Variants in MAML2 observed in about 807,000 individuals in gnomAD.
MAML2 encodes mastermind-like protein 2.
A neutral mutation model predicts 96.1 loss-of-function variants in MAML2; 22 were observed. That is an observed-to-expected ratio of 0.23 (90% confidence interval 0.16 to 0.33). The LOEUF is 0.33. MAML2 is among the 10% of genes least tolerant of loss of function. The probability of loss-of-function intolerance (pLI) is 1.00; values close to 1 mark genes in which losing one functional copy is unlikely to be tolerated. For missense variants in MAML2, 1,367 were observed against 1,392.4 expected (o/e 0.98, Z 0.29); for synonymous variants, 561 against 521.3 (o/e 1.08, Z -1.04).
At chr11:96,042,460 C>T (rs1336631810) in intron 2 of MAML2, among the ~76,000 whole-genome samples, 5 of 152,262 alleles carry the variant, frequency 3.3e-5, no homozygotes, top group African/African-American at 9.6e-5. Flanking sequence ...AGTAACCTCC[C>T]GTGGTCTTCC....
chr11:96,122,296 C>G (rs1051773883), intron 1 of MAML2, among the ~76,000 whole-genome samples: 1 of 151,748 alleles, frequency 6.6e-6, no homozygotes, highest in Non-Finnish European at 1.5e-5. Context: ...GGGTGGAAAA[C>G]CTGCAGATTT....
At chr11:95,994,326 CT>C (rs1857958380) in intron 2 of MAML2, among the ~76,000 whole-genome samples, 1 of 152,200 alleles carries the variant, frequency 6.6e-6, no homozygotes, top group African/African-American at 2.4e-5. Context: ...ATTTACACCC[CT>C]ATGACCAGTC....
chr11:96,232,738 T>G (rs1349164675), intron 1 of MAML2, among the ~76,000 whole-genome samples: 1 of 152,132 alleles, frequency 6.6e-6, no homozygotes, highest in Non-Finnish European at 1.5e-5. Context: ...CCCAAAGTGC[T>G]TAGGATTAGA....
chr11:96,192,652 T>C (rs11603621), intron 1 of MAML2, among the ~76,000 whole-genome samples: 2,089 of 152,322 alleles, frequency 0.014, 49 homozygotes, highest in African/African-American at 0.048. Context: ...AAGAAATTTG[T>C]CTATATGCTA....
intron 2 of MAML2, among the ~76,000 whole-genome samples, chr11:96,077,822 C>T (rs1859468081): frequency 6.6e-6 from 1 of 152,142 alleles, no homozygotes; most frequent in African/African-American, 2.4e-5. Context: ...TATAGAAATA[C>T]AACTGATGAC....
rs60727839 is a variant in MAML2 at position 96,092,210 on chromosome 11, TTGCTGCTGCTGC to T, written c.1809_1820del (p.Gln618_Gln621del). 0.013 allele frequency: 13,489 copies of T among 1,010,410 alleles called. 353 individuals carry two copies. Among genetic ancestry groups the T allele is most frequent in the African/African-American group, 0.12 (7,825 of 64,224 alleles). The allele number at this position is 1,010,410 out of a possible 1,614,324, so 62.6% of individuals were successfully genotyped here. A position where few individuals can be genotyped will look rare whatever the true frequency, so the allele number is the denominator to read the frequency against. On this transcript the variant is annotated inframe_deletion, in exon 2 of 5. Transcript: ENST00000524717. The surrounding 1 kb of genome is among the most constrained non-coding windows in gnomAD (Gnocchi z 4.1). ...GTTGCTGTTGCTGCTGCTGCTGCTG[TTGCTGCTGCTGC>T]TGCTGCTGCTGCTGCTGCTGCTGCT...
chr11:96,089,585 T>C (rs1471182305), intron 2 of MAML2, among the ~76,000 whole-genome samples: 4 of 152,226 alleles, frequency 2.6e-5, no homozygotes, highest in Non-Finnish European at 4.4e-5. Context: ...TATTGAACAA[T>C]AGCATCATTA....
At chr11:96,185,776 T>A (rs1861565833) in intron 1 of MAML2, among the ~76,000 whole-genome samples, 1 of 152,346 alleles carries the variant, frequency 6.6e-6, no homozygotes, top group African/African-American at 2.4e-5. Context: ...TGTGTATGCA[T>A]CACCTCTTTT....
chr11:96,006,870 TATACACACACACAC>T (rs1379769101), intron 2 of MAML2, among the ~76,000 whole-genome samples: 111 of 109,902 alleles, frequency 1.0e-3, no homozygotes, highest in African/African-American at 2.8e-3. Context: ...AGGAATATCT[TATACACACACACAC>T]ACACACACAC....
In MAML2 at chr11:96,291,468, G is replaced by C. The variant is rs183266541; in HGVS notation, c.513+49915C>G. Among the ~76,000 whole-genome samples, 6 of 152,200 alleles carry C rather than the reference G, an allele frequency of 3.9e-5. No individual in the cohort carries two copies. The East Asian group carries it at 1.2e-3, about 29-fold the overall frequency. On this transcript the variant is annotated intron_variant, in intron 1 of 4. Coordinates refer to ENST00000524717, the MANE Select transcript of MAML2 (RefSeq NM_032427.4). ...TATTCCTCCCTGCTTCTTAGTTATA[G>C]TCTTAGTTATATTGTTGGAGTTTTA...
intron 2 of MAML2, among the ~76,000 whole-genome samples, chr11:96,032,245 C>T (rs541145779): frequency 6.6e-6 from 1 of 152,066 alleles, no homozygotes; most frequent in South Asian, 2.1e-4. Context: ...TATACACTTA[C>T]CATATGACCG....
intron 1 of MAML2, among the ~76,000 whole-genome samples, chr11:96,195,945 A>G (rs192467281): frequency 1.3e-5 from 2 of 152,346 alleles, no homozygotes; most frequent in East Asian, 3.9e-4. Flanking sequence ...GGTTAATAGT[A>G]CCAGTGGGTT....
intron 1 of MAML2, among the ~76,000 whole-genome samples, chr11:96,174,169 A>G (rs1036827687): frequency 6.6e-6 from 1 of 152,154 alleles, no homozygotes; most frequent in African/African-American, 2.4e-5. Flanking sequence ...CTAGAAGGAA[A>G]ACCCTTCCTG....
chr11:96,241,421 T>G (rs1436362653), intron 1 of MAML2, among the ~76,000 whole-genome samples: 2 of 152,226 alleles, frequency 1.3e-5, no homozygotes, highest in East Asian at 3.8e-4. Flanking sequence ...GGGGGTGATT[T>G]GGCCCCCCAG....
chr11:96,282,482 C>A (rs996601666), intron 1 of MAML2, among the ~76,000 whole-genome samples: 2 of 152,122 alleles, frequency 1.3e-5, no homozygotes, highest in African/African-American at 4.8e-5. Flanking sequence ...TCCAGGTCTT[C>A]AAAATCAAAG....
intron 1 of MAML2, among the ~76,000 whole-genome samples, chr11:96,186,885 A>C (rs866152207): frequency 1.3e-5 from 2 of 152,342 alleles, no homozygotes; most frequent in Non-Finnish European, 2.9e-5. Context: ...CTTTTTACAC[A>C]GAGGCTACCA....
At chr11:96,192,722 A>G (rs569717677) in intron 1 of MAML2, among the ~76,000 whole-genome samples, 70 of 152,310 alleles carry the variant, frequency 4.6e-4, no homozygotes, top group African/African-American at 1.5e-3. Context: ...TGGAGGCAGA[A>G]TAAGACTGCC....
intron 2 of MAML2, among the ~76,000 whole-genome samples, chr11:96,021,489 A>C (rs1471504572): frequency 6.6e-6 from 1 of 152,208 alleles, no homozygotes; most frequent in Non-Finnish European, 1.5e-5. Flanking sequence ...GTAGGACTGC[A>C]CATCCTGGCC....
chr11:96,208,281 G>C (rs1861922319), intron 1 of MAML2, among the ~76,000 whole-genome samples: 1 of 152,110 alleles, frequency 6.6e-6, no homozygotes, highest in Non-Finnish European at 1.5e-5. Context: ...AATTACAAAA[G>C]CAACTTGACA....
Sources: gnomAD v4.1 joint callset for allele counts (sites outside exome capture counted in the v4.1 genomes callset) on GRCh38, gnomAD v4.1.1 for gene constraint, Gnocchi (gnomAD v3.1) non-coding constraint, MANE v1.5 for transcripts, NCBI Gene and HGNC (gene_info 2026-07-23, HGNC 2026-07-21) for gene names.